The following DOCK10 variants were observed in gnomAD, a reference collection of about 807,000 sequenced individuals.
The protein encoded by DOCK10 is dedicator of cytokinesis 10.
In DOCK10, 145 loss-of-function variants were observed where a neutral mutation model predicts 280.1. The observed-to-expected ratio is 0.52, with a 90% CI of 0.45 to 0.59. DOCK10 has a LOEUF of 0.59. Among genes scored for constraint, DOCK10 ranks in the 20% least tolerant of loss-of-function variants. The pLI is 0.00. For synonymous variants in DOCK10, 915 were observed against 942.2 expected (o/e 0.97, Z 0.53); for missense variants, 2,368 against 2,651.7 (o/e 0.89, Z 2.35).
Position 224,805,386 on chromosome 2 carries a change from A to C in DOCK10, c.3936+22T>G. 6.2e-7 allele frequency: 1 copy of C among 1,612,776 alleles called. No homozygotes were observed. Among genetic ancestry groups the C allele is most frequent in the Non-Finnish European group, 8.5e-7 (1 of 1,179,172 alleles). On this transcript the variant is annotated intron_variant, in intron 35 of 55. Transcript: ENST00000258390. The surrounding 1 kb of genome is among the most constrained non-coding windows in gnomAD (Gnocchi z 4.3). ...TGACCTCTGCCTTGTAATGATCAGT[A>C]GGTTTGAGAGGGAAGTCATACCTTT...
intron 7 of DOCK10, among the ~76,000 whole-genome samples, chr2:224,881,562 A>G (rs1212923324): frequency 1.3e-5 from 2 of 152,118 alleles, no homozygotes; most frequent in African/African-American, 4.8e-5. Flanking sequence ...GTAATTTTGG[A>G]CATTCCTCTG....
At chr2:224,871,050 C>T (rs980859376) in intron 11 of DOCK10, among the ~76,000 whole-genome samples, 1 of 152,052 alleles carries the variant, frequency 6.6e-6, no homozygotes, top group Non-Finnish European at 1.5e-5. Flanking sequence ...TGGTCTTGAA[C>T]TCCTGACCTC....
At chr2:224,864,427 T>G in intron 13 of DOCK10, 126 bp downstream of exon 13, 1 of 933,286 alleles carries the variant, frequency 1.1e-6, no homozygotes, top group Non-Finnish European at 1.5e-6. Flanking sequence ...AGAGAATCAC[T>G]TGAACCCAGG....
At chr2:224,858,652 C>CA (rs1325674832) in intron 14 of DOCK10, among the ~76,000 whole-genome samples, 1 of 151,776 alleles carries the variant, frequency 6.6e-6, no homozygotes, top group African/African-American at 2.4e-5. Context: ...GACTCCGTCT[C>CA]AAAAAAATGT....
intron 11 of DOCK10, among the ~76,000 whole-genome samples, chr2:224,866,537 A>C (rs1424309627): frequency 2.0e-5 from 3 of 152,072 alleles, no homozygotes; most frequent in Non-Finnish European, 2.9e-5. Flanking sequence ...AGGTCTTGCT[A>C]CTCACCAAAC....
chr2:224,766,406 C>T lies in DOCK10; in HGVS notation c.6445-569G>A, dbSNP rs533684327. Among the ~76,000 whole-genome samples, 448 of 152,298 alleles carry T rather than the reference C, an allele frequency of 2.9e-3. 2 individuals carry two copies. Among genetic ancestry groups the T allele is most frequent in the African/African-American group, 0.01 (418 of 41,560 alleles). ...ACAAAGAATTGTGAAGATTTTCCCA[C>T]TAACTTCACACATTATCCCACTGTG... On this transcript the variant is annotated intron_variant, in intron 55 of 55. Transcript: ENST00000258390.
rs200146665 is a variant in DOCK10, at chr2:224,874,023, C to T, written c.1230G>A (p.Thr410=). 18 of 1,612,576 alleles carry T rather than the reference C, an allele frequency of 1.1e-5. No individual in the cohort carries two copies. Among genetic ancestry groups the T allele is most frequent in the African/African-American group, 2.7e-5 (2 of 74,936 alleles). Residue 410 remains threonine (T), a synonymous_variant, in exon 11 of 56, where the codon ACG becomes ACA. Transcript: ENST00000258390. Reference sequence around the variant, plus strand: ...TCGTTATCGGATCATTTTCATTCTCCGTAACACATCCCTGAAGATTTGAGT... The same window carrying T: ...TCGTTATCGGATCATTTTCATTCTCTGTAACACATCCCTGAAGATTTGAGT... ...ALNSNLQGCV[T]ENENDPITNI... is the part of the protein sequence containing the mutation.
intron 8 of DOCK10, 61 bp from the exon 9 acceptor site, chr2:224,874,812 G>A: frequency 6.8e-7 from 1 of 1,465,670 alleles, no homozygotes; most frequent in Non-Finnish European, 9.5e-7. Context: ...CATTCTTCTA[G>A]CCTGTGACAT....
intron 31 of DOCK10, among the ~76,000 whole-genome samples, chr2:224,813,731 T>C (rs1409361425): frequency 6.6e-6 from 1 of 152,218 alleles, no homozygotes; most frequent in Non-Finnish European, 1.5e-5. Context: ...AAGAAGCTAC[T>C]GAATGTGGAA....
At chr2:224,846,645 C>A (rs191509948) in intron 19 of DOCK10, among the ~76,000 whole-genome samples, 1 of 151,952 alleles carries the variant, frequency 6.6e-6, no homozygotes, top group South Asian at 2.1e-4. Context: ...TACAGGAGCA[C>A]GCCACCACAC....
Position 224,830,577 on chromosome 2 carries a change from C to A in DOCK10, c.3000G>T (p.Ser1000=). 6.5e-7 allele frequency: 1 copy of A among 1,533,242 alleles called. No individual in the cohort carries two copies. Among genetic ancestry groups the A allele is most frequent in the South Asian group, 1.4e-5 (1 of 74,036 alleles). 95.0% of individuals were successfully genotyped at this position (1,533,242 alleles called of 1,614,324 possible). ...TTGTGTCAATCAAGTGCTGTGCCAT[C>A]GATTTTAGGATAATTGCAAAGAAGA... is the stretch of plus-strand genomic sequence containing the variant. ...SWFFFAIILK[S]MAQHLIDTNK... is the part of the protein sequence containing the mutation. Residue 1000 remains serine, a synonymous_variant, in exon 27 of 56, where the codon TCG becomes TCT. Coordinates refer to ENST00000258390, the MANE Select transcript of DOCK10 (RefSeq NM_014689.3).
At chr2:224,779,045 T>C (rs543621841) in intron 50 of DOCK10, among the ~76,000 whole-genome samples, 2 of 152,282 alleles carry the variant, frequency 1.3e-5, no homozygotes, top group East Asian at 1.9e-4. Context: ...TATTAATTTA[T>C]TTGTCTGGTT....
chr2:224,841,602 G>A (rs1171649150), intron 23 of DOCK10, among the ~76,000 whole-genome samples: 1 of 152,074 alleles, frequency 6.6e-6, no homozygotes, highest in African/African-American at 2.4e-5. Flanking sequence ...GGAAAAAACT[G>A]ATTTTTGCTT....
intron 7 of DOCK10, 151 bp downstream of exon 7, chr2:224,885,520 G>T: frequency 2.8e-6 from 2 of 709,196 alleles, no homozygotes; most frequent in Non-Finnish European, 4.1e-6. Flanking sequence ...AGTAAGATTT[G>T]TGAAAGTAGA....
At chr2:224,956,625 GAAAAAA>G (rs3083983) in intron 1 of DOCK10, among the ~76,000 whole-genome samples, 1,307 of 78,680 alleles carry the variant, frequency 0.017, 6 homozygotes, top group Non-Finnish European at 0.023. Context: ...CGCTACCTCA[GAAAAAA>G]AAAAAAAAAA....
rs116308998 is a variant in DOCK10, at chr2:224,768,205, C to T, written c.6444+2006G>A. Reference sequence around the variant, plus strand: ...TTGTTGGGATTACAGCATGAGCCACCGTGCCTGGCCTGTTTCTATTTTTAA... The same window carrying T: ...TTGTTGGGATTACAGCATGAGCCACTGTGCCTGGCCTGTTTCTATTTTTAA... On this transcript the variant is annotated intron_variant, in intron 55 of 55. Transcript: ENST00000258390. Among the ~76,000 whole-genome samples, 743 of 152,198 alleles carry T rather than the reference C, an allele frequency of 4.9e-3. 4 individuals carry two copies. The highest frequency in any genetic ancestry group is 0.016 in the African/African-American group (684 of 41,530).
intron 38 of DOCK10, 78 bp from the exon 39 acceptor site, chr2:224,804,291 C>T (rs554319354): frequency 3.8e-5 from 29 of 758,958 alleles, no homozygotes; most frequent in African/African-American, 8.8e-5. Context: ...ACTGACAAAA[C>T]GATTACTGCA....
chr2:224,946,793 A>G (rs1180304227), intron 1 of DOCK10: 35 of 1,371,294 alleles, frequency 2.6e-5, no homozygotes, highest in Non-Finnish European at 3.2e-5. Context: ...TCATTTTTGA[A>G]AGAAAGGATT....
At chr2:224,782,391 A>G (rs536344605) in intron 50 of DOCK10, among the ~76,000 whole-genome samples, 15 of 152,278 alleles carry the variant, frequency 9.9e-5, no homozygotes, top group African/African-American at 3.6e-4. Context: ...ATTTTAAGTT[A>G]TGTAATGGGT....
Sources: gnomAD v4.1 joint callset for allele counts (sites outside exome capture counted in the v4.1 genomes callset) on GRCh38, gnomAD v4.1.1 for gene constraint, Gnocchi (gnomAD v3.1) non-coding constraint, MANE v1.5 for transcripts, NCBI Gene and HGNC (gene_info 2026-07-23, HGNC 2026-07-21) for gene names.